The following CSK variants were observed in gnomAD, a reference collection of about 807,000 sequenced individuals.
CSK encodes tyrosine-protein kinase CSK.
A neutral mutation model predicts 62.3 loss-of-function variants in CSK; 7 were observed. The ratio of observed to expected loss-of-function variants is 0.11; its 90% CI spans 0.06 to 0.21. CSK has a LOEUF of 0.21. Ranked by LOEUF, CSK falls within the 10% of genes least tolerant of loss-of-function variation. The pLI, the probability that CSK is intolerant of heterozygous loss-of-function variation, is 1.00. For missense variants in CSK, 294 were observed against 613.5 expected (o/e 0.48, Z 5.50); for synonymous variants, 237 against 246.0 (o/e 0.96, Z 0.34).
intron 5 of CSK, among the ~76,000 whole-genome samples, chr15:74,799,955 T>C (rs1433549157): frequency 6.6e-6 from 1 of 152,098 alleles, no homozygotes; most frequent in Admixed American, 6.5e-5. Flanking sequence ...CCCTGCAGCT[T>C]CCCAGGCCAG....
intron 1 of CSK, among the ~76,000 whole-genome samples, chr15:74,793,759 G>T (rs1596369965): frequency 6.6e-6 from 1 of 152,252 alleles, no homozygotes; most frequent in South Asian, 2.1e-4. Flanking sequence ...GGGAGGCGGC[G>T]GTGGCAGTAG....
chr15:74,800,774 G>A (rs750835142), intron 7 of CSK, 28 bp downstream of exon 7: 1 of 1,587,418 alleles, frequency 6.3e-7, no homozygotes, highest in Non-Finnish European at 8.6e-7. Flanking sequence ...CCCTGGGGGG[G>A]TTCTGAGGGA....
intron 1 of CSK, among the ~76,000 whole-genome samples, chr15:74,797,545 T>C (rs1267163711): frequency 6.6e-6 from 1 of 152,110 alleles, no homozygotes; most frequent in East Asian, 1.9e-4. Flanking sequence ...AGAAAAGAAA[T>C]TCATCAGTGT....
At chr15:74,794,868 G>A (rs912670671) in intron 1 of CSK, among the ~76,000 whole-genome samples, 3 of 152,164 alleles carry the variant, frequency 2.0e-5, no homozygotes, top group Middle Eastern at 3.4e-3. Context: ...AGGCCCCATC[G>A]CCCTTGGAGT....
Position 74,798,546 on chromosome 15 carries a change from C to T in CSK, c.16-69C>T, listed in dbSNP as rs34072318. 131 of 1,444,222 alleles carry T rather than the reference C, an allele frequency of 9.1e-5. No individual in the cohort carries two copies. Among genetic ancestry groups the T allele is most frequent in the East Asian group, 2.6e-4 (11 of 42,774 alleles). The allele number at this position is 1,444,222 out of a possible 1,614,324, so 89.5% of individuals were successfully genotyped here. A position where few individuals can be genotyped will look rare whatever the true frequency, so the allele number is the denominator to read the frequency against. ...GAGGCCAGCTCAGAGGCTGTGACCA[C>T]GAGGGTGCGCCAGCAGGTGGCTGGA... On this transcript the variant is annotated intron_variant, in intron 2 of 12. Coordinates refer to ENST00000220003, the MANE Select transcript of CSK (RefSeq NM_004383.3). This position sits in a 1 kb window ranked among gnomAD's most constrained non-coding sequence, Gnocchi z 6.6.
chr15:74,797,515 C>G (rs1301629177), intron 1 of CSK, among the ~76,000 whole-genome samples: 1 of 152,096 alleles, frequency 6.6e-6, no homozygotes, highest in Non-Finnish European at 1.5e-5. Flanking sequence ...CAGAGCCAGA[C>G]TCCATCTCAA....
chr15:74,798,022 T>G lies in CSK; in HGVS notation c.-65-211T>G. The G allele has an allele frequency of 2.5e-6, 1 of 406,454 alleles. No homozygotes were observed. Among genetic ancestry groups the G allele is most frequent in the Non-Finnish European group, 4.5e-6 (1 of 224,490 alleles). 25.2% of individuals were successfully genotyped at this position (406,454 alleles called of 1,614,324 possible). ...TGGAAGGCCCCCTGTGGCCTTAGGG[T>G]TGGTGGCTCCCTCTGCCCCTGGGGG... On this transcript the variant is annotated intron_variant, in intron 1 of 12. Coordinates refer to ENST00000220003, the MANE Select transcript of CSK (RefSeq NM_004383.3). The surrounding 1 kb of genome is among the most constrained non-coding windows in gnomAD (Gnocchi z 6.6).
At chr15:74,793,564 C>T (rs1360367652) in intron 1 of CSK, among the ~76,000 whole-genome samples, 7 of 152,170 alleles carry the variant, frequency 4.6e-5, no homozygotes, top group Non-Finnish European at 7.4e-5. Flanking sequence ...TAGGGACCCC[C>T]GCCTTGCCCC....
intron 1 of CSK, among the ~76,000 whole-genome samples, chr15:74,789,437 A>G (rs1197059997): frequency 6.6e-6 from 1 of 152,186 alleles, no homozygotes; most frequent in Non-Finnish European, 1.5e-5. Context: ...GTGGTGGGGA[A>G]TGTCACAGTG....
intron 4 of CSK, 157 bp downstream of exon 4, chr15:74,799,095 C>A: frequency 1.0e-6 from 1 of 954,142 alleles, no homozygotes; most frequent in Non-Finnish European, 1.5e-6. Flanking sequence ...CAGAGCAGGG[C>A]TGGGGGCAGA....
intron 10 of CSK, 36 bp from the exon 11 acceptor site, chr15:74,801,659 C>G (rs1233525218): frequency 1.2e-6 from 2 of 1,609,006 alleles, no homozygotes; most frequent in Non-Finnish European, 1.7e-6. Flanking sequence ...TATGGGAGCC[C>G]CAGTCTGAGG....
chr15:74,802,524 C>A lies in CSK; in HGVS notation c.*11C>A. The stretch of plus-strand genomic sequence containing the variant: ...GAGCTGCACCTGTGACGGCTGGCCT[C>A]CGCCTGGGTCATGGGCCTGTGGGGA... On this transcript the variant is annotated 3_prime_UTR_variant, in exon 13 of 13. Coordinates refer to ENST00000220003, the MANE Select transcript of CSK (RefSeq NM_004383.3). 1 of 1,611,204 alleles carries A rather than the reference C, an allele frequency of 6.2e-7. No individual in the cohort carries two copies. The highest frequency in any genetic ancestry group is 8.5e-7 in the Non-Finnish European group (1 of 1,179,416).
In CSK at chr15:74,802,406, T is replaced by C; in HGVS notation, c.1246T>C (p.Tyr416His). The C allele has an allele frequency of 1.9e-6, 3 of 1,612,914 alleles. No individual in the cohort carries two copies. The highest frequency in any genetic ancestry group is 2.5e-6 in the Non-Finnish European group (3 of 1,179,834). Reference protein sequence around the residue: ...DAPDGCPPAVYEVMKNCWHLD... With the variant: ...DAPDGCPPAVHEVMKNCWHLD... Reference sequence around the variant, plus strand: ...CCCCGACGGCTGCCCGCCCGCAGTCTATGAAGTCATGAAGAACTGCTGGCA... The same window carrying C: ...CCCCGACGGCTGCCCGCCCGCAGTCCATGAAGTCATGAAGAACTGCTGGCA... Residue 416 changes from tyrosine to histidine, a missense_variant, in exon 13 of 13, where the codon TAT (tyrosine) becomes CAT (histidine). By Grantham distance (83) the Tyr-to-His change is moderately conservative. Coordinates refer to ENST00000220003, the MANE Select transcript of CSK (RefSeq NM_004383.3).
In CSK at chr15:74,785,331, C is replaced by T. The variant is rs775771713; in HGVS notation, c.-66+2611C>T. ...ATTCTAGGCTGGCCTGCTGCAGCGC[C>T]ATCACCCATACACTGGAGCGTGTGC... On this transcript the variant is annotated intron_variant, in intron 1 of 12. Coordinates refer to ENST00000220003, the MANE Select transcript of CSK (RefSeq NM_004383.3). Among the ~76,000 whole-genome samples, 72 of 152,208 alleles carry T rather than the reference C, an allele frequency of 4.7e-4. 1 individual carries two copies. Among genetic ancestry groups the T allele is most frequent in the Non-Finnish European group, 7.6e-4 (52 of 68,040 alleles).
chr15:74,793,003 G>A (rs1231601234), intron 1 of CSK: 2 of 152,264 alleles, frequency 1.3e-5, no homozygotes, highest in African/African-American at 4.8e-5. Context: ...ATGTAGCCAG[G>A]CTGGATTCCC....
chr15:74,791,705 T>C (rs1478366364), intron 1 of CSK, among the ~76,000 whole-genome samples: 1 of 152,226 alleles, frequency 6.6e-6, no homozygotes, highest in Non-Finnish European at 1.5e-5. Flanking sequence ...TTTGTTTTGC[T>C]CTTTTATGAC....
intron 1 of CSK, among the ~76,000 whole-genome samples, chr15:74,785,939 T>TC (rs2063509214): frequency 6.6e-6 from 1 of 151,168 alleles, no homozygotes; most frequent in Non-Finnish European, 1.5e-5. Flanking sequence ...CTCCACCCAT[T>TC]CCCCTTCCGG....
At chr15:74,791,293 CA>C (rs2063616381) in intron 1 of CSK, among the ~76,000 whole-genome samples, 1 of 151,964 alleles carries the variant, frequency 6.6e-6, no homozygotes, top group African/African-American at 2.4e-5. Context: ...TGAAACCTAC[CA>C]AAAAGTTGAA....
intron 6 of CSK, 22 bp from the exon 7 acceptor site, chr15:74,800,659 C>T (rs1413757996): frequency 1.9e-6 from 3 of 1,539,246 alleles, no homozygotes; most frequent in Admixed American, 2.0e-5. Context: ...GCCTCCAGGC[C>T]CTCACTGGCC....
Sources: allele counts gnomAD v4.1 joint callset (sites outside exome capture counted in the v4.1 genomes callset), GRCh38; gene constraint gnomAD v4.1.1; non-coding constraint Gnocchi (gnomAD v3.1); transcripts MANE v1.5; gene names NCBI Gene and HGNC (gene_info 2026-07-23, HGNC 2026-07-21).